The following BRF1 variants were observed in gnomAD, a reference collection of about 807,000 sequenced individuals.
BRF1 encodes BRF1 general transcription factor IIIB subunit.
A neutral mutation model predicts 81.7 loss-of-function variants in BRF1; 59 were observed. The ratio of observed to expected loss-of-function variants is 0.72; its 90% CI spans 0.59 to 0.90. BRF1 has a LOEUF of 0.90. Ranked by LOEUF, BRF1 falls within the 40% of genes least tolerant of loss-of-function variation. The pLI, the probability that BRF1 is intolerant of heterozygous loss-of-function variation, is 0.00. For missense variants in BRF1, 1,050 were observed against 936.3 expected, an observed-to-expected ratio of 1.12 and a Z score of -1.58; for synonymous variants, 491 against 395.6, an observed-to-expected ratio of 1.24 and a Z score of -2.86.
intron 2 of BRF1, among the ~76,000 whole-genome samples, chr14:105,283,539 A>T (rs1181773843): frequency 1.3e-5 from 2 of 151,994 alleles, no homozygotes; most frequent in African/African-American, 4.8e-5. Flanking sequence ...CTTCACTGAC[A>T]CTCACCCCTA....
rs1353228684 is a variant in BRF1, at chr14:105,315,189, G to GC, written c.-162+132dup. 6.0e-5 allele frequency: 18 copies of GC among 299,306 alleles called. No homozygotes were observed. The highest frequency in any genetic ancestry group is 1.1e-4 in the African/African-American group (5 of 44,650). The allele number at this position is 299,306 out of a possible 1,614,324, so 18.5% of individuals were successfully genotyped here. A position where few individuals can be genotyped will look rare whatever the true frequency, so the allele number is the denominator to read the frequency against. On this transcript the variant is annotated intron_variant, in intron 1 of 17. Transcript: ENST00000327359. This position sits in a 1 kb window ranked among gnomAD's most constrained non-coding sequence, Gnocchi z 4.4. ...GCCCGCCGGTTCGACGCGTGCAGCC[G>GC]CCGCCCCCCCGCAGCTCCGGCAAGC...
intron 5 of BRF1, among the ~76,000 whole-genome samples, chr14:105,243,898 C>T (rs2054894104): frequency 6.6e-6 from 1 of 151,644 alleles, no homozygotes; most frequent in African/African-American, 2.4e-5. Context: ...ACTAAGGAGG[C>T]TGAAACAGGA....
At chr14:105,228,416 C>G (rs587743108) in intron 7 of BRF1, 1 of 162,900 alleles carries the variant, frequency 6.1e-6, no homozygotes, top group Admixed American at 5.9e-5. Context: ...TGGTGGCACA[C>G]GCCTGTAATC....
At position 105,228,800 on chromosome 14, in the gene BRF1, C is replaced by T. The variant is rs769138403; in HGVS notation, c.788+20G>A. 1 of 1,613,352 alleles carries T rather than the reference C, an allele frequency of 6.2e-7. No homozygotes were observed. Among genetic ancestry groups the T allele is most frequent in the East Asian group, 2.2e-5 (1 of 44,876 alleles). On this transcript the variant is annotated intron_variant, in intron 7 of 17. Coordinates refer to ENST00000547530, the MANE Select transcript of BRF1 (RefSeq NM_001519.4). ...TGAAGCCTCTGTGTGGTCCCCATGC[C>T]ATGAATGAGAGCCCCTCACCTCTTC...
upstream of BRF1, among the ~76,000 whole-genome samples, chr14:105,305,817 C>T (rs2058170385): frequency 6.6e-6 from 1 of 152,262 alleles, no homozygotes; most frequent in South Asian, 2.1e-4. Context: ...GCCCTCAGAG[C>T]ACCCACACTG....
At chr14:105,298,592 C>T (rs1442313087) in intron 1 of BRF1, among the ~76,000 whole-genome samples, 5 of 152,210 alleles carry the variant, frequency 3.3e-5, no homozygotes, top group Admixed American at 6.5e-5. Flanking sequence ...CGGTGGCTCG[C>T]GCCTGTAATC....
At position 105,286,332 on chromosome 14, in the gene BRF1, G is replaced by T. The variant is rs1454745609; in HGVS notation, c.229C>A (p.Leu77Met). The change falls in exon 2 of 18, where the codon CTG (leucine) becomes ATG (methionine). Residue 77 changes from leucine (L) to methionine (M), a missense_variant. Coordinates refer to ENST00000547530, the MANE Select transcript of BRF1 (RefSeq NM_001519.4). ...PTLGGGFHVN[L>M]GKESRAQTLQ... ...GTCTGCGCTCTCGACTCCTTCCCCA[G>T]ATTCACGTGGAAGCCGCCACCCAGA... 1 of 1,613,788 alleles carries T rather than the reference G, an allele frequency of 6.2e-7. No homozygotes were observed. The highest frequency in any genetic ancestry group is 1.1e-5 in the South Asian group (1 of 90,946).
At chr14:105,243,607 A>T (rs2054872073) in intron 5 of BRF1, among the ~76,000 whole-genome samples, 1 of 151,652 alleles carries the variant, frequency 6.6e-6, no homozygotes, top group East Asian at 2.0e-4. Flanking sequence ...AACAGAAAAA[A>T]AAAAAGAGAG....
chr14:105,251,841 G>A (rs1005289787), intron 5 of BRF1, among the ~76,000 whole-genome samples: 14 of 151,950 alleles, frequency 9.2e-5, no homozygotes, highest in African/African-American at 2.9e-4. Flanking sequence ...AGACTTTTCC[G>A]CTAGGTTAGA....
intron 1 of BRF1, among the ~76,000 whole-genome samples, chr14:105,314,000 CAACGCTGAAAAGCGGCGCTGAATAA>C (rs1374706719): frequency 1.3e-5 from 2 of 152,270 alleles, no homozygotes; most frequent in African/African-American, 4.8e-5. Flanking sequence ...GTCCTGAGCA[CAACGCTGAAAAGCGGCGCTGAATAA>C]GGATGCTGGG....
intron 5 of BRF1, chr14:105,249,612 C>G (rs749355181): frequency 1.3e-6 from 2 of 1,591,254 alleles, no homozygotes; most frequent in Non-Finnish European, 1.7e-6. Context: ...TGGGAGCCAG[C>G]CCCTGACGCG....
chr14:105,287,556 C>T (rs1249121021), intron 1 of BRF1, among the ~76,000 whole-genome samples: 2 of 152,150 alleles, frequency 1.3e-5, no homozygotes, highest in Middle Eastern at 3.2e-3. Context: ...GTGTGTAGGG[C>T]CTGTCGGAGG....
At chr14:105,247,800 G>A (rs920115019) in intron 5 of BRF1, 41 of 985,588 alleles carry the variant, frequency 4.2e-5, no homozygotes, top group Non-Finnish European at 4.9e-5. Flanking sequence ...CGCGAGCTTG[G>A]CATGCACCAG....
rs587628139 is a variant in BRF1 at position 105,210,128 on chromosome 14, C to T, written c.*423G>A. 2.5e-3 allele frequency: 596 copies of T among 238,678 alleles called. 2 individuals carry two copies. Among genetic ancestry groups the T allele is most frequent in the South Asian group, 6.5e-3 (96 of 14,686 alleles). 14.8% of individuals were successfully genotyped at this position (238,678 alleles called of 1,614,324 possible). A position where few individuals can be genotyped will look rare whatever the true frequency, so the allele number is the denominator to read the frequency against. ...GAGTGCTGCTCAGGAGGGGACGGTG[C>T]GGAGGGTGGGCTGGAGACTCCAGAG... On this transcript the variant is annotated 3_prime_UTR_variant, in exon 18 of 18. Coordinates refer to ENST00000547530, the MANE Select transcript of BRF1 (RefSeq NM_001519.4). The surrounding 1 kb of genome is among the most constrained non-coding windows in gnomAD (Gnocchi z 4.7).
intron 11 of BRF1, 36 bp downstream of exon 11, chr14:105,221,612 G>T: frequency 6.3e-7 from 1 of 1,585,198 alleles, no homozygotes; most frequent in South Asian, 1.2e-5. Flanking sequence ...ATCTCCCGAT[G>T]ACCTCAGCGT....
At chr14:105,245,607 G>C (rs1482717625) in intron 5 of BRF1, among the ~76,000 whole-genome samples, 3 of 152,080 alleles carry the variant, frequency 2.0e-5, no homozygotes, top group Non-Finnish European at 4.4e-5. Flanking sequence ...GGACAGCACA[G>C]GGCCAGAAAT....
chr14:105,221,945 G>C, intron 10 of BRF1, 31 bp from the exon 11 acceptor site: 1 of 1,537,780 alleles, frequency 6.5e-7, no homozygotes, highest in Non-Finnish European at 8.7e-7. Context: ...TGTTAACCAG[G>C]CAGAGGGCCA....
At chr14:105,229,625 C>T (rs1011978745) in intron 6 of BRF1, among the ~76,000 whole-genome samples, 1 of 152,122 alleles carries the variant, frequency 6.6e-6, no homozygotes, top group Admixed American at 6.5e-5. Context: ...CCAACTAGAA[C>T]AGTCGCCCAG....
chr14:105,219,456 G>A, intron 12 of BRF1: 1 of 983,492 alleles, frequency 1.0e-6, no homozygotes, highest in Non-Finnish European at 1.5e-6. Context: ...CCACATGTGT[G>A]AGACCCCCTA....
Sources: allele counts gnomAD v4.1 joint callset (sites outside exome capture counted in the v4.1 genomes callset), GRCh38; gene constraint gnomAD v4.1.1; non-coding constraint Gnocchi (gnomAD v3.1); transcripts MANE v1.5; gene names NCBI Gene and HGNC (gene_info 2026-07-23, HGNC 2026-07-21).